Variants in COBLL1 observed in about 807,000 individuals in gnomAD.
The protein encoded by COBLL1 is cordon-bleu WH2 repeat protein like 1.
In COBLL1, 50 loss-of-function variants were observed where a neutral mutation model predicts 94.8. The observed-to-expected ratio is 0.53, with a 90% CI of 0.42 to 0.67. COBLL1 has a LOEUF of 0.67. Ranked by LOEUF, COBLL1 falls within the 30% of genes least tolerant of loss-of-function variation. COBLL1 has a pLI of 0.00. For missense variants in COBLL1, 1,362 were observed against 1,348.7 expected (o/e 1.01, Z -0.15); for synonymous variants, 448 against 473.8 (o/e 0.95, Z 0.71).
chr2:164,734,738 G>A (rs1393647088), intron 3 of COBLL1, among the ~76,000 whole-genome samples: 2 of 152,114 alleles, frequency 1.3e-5, no homozygotes, highest in Admixed American at 6.5e-5. Context: ...CAGGATTGGA[G>A]GGACAAAGTG....
intron 2 of COBLL1, among the ~76,000 whole-genome samples, chr2:164,800,076 T>C (rs1392526515): frequency 6.6e-6 from 1 of 152,172 alleles, no homozygotes; most frequent in Non-Finnish European, 1.5e-5. Flanking sequence ...AATTGGTAAA[T>C]TGGATTTTAT....
At chr2:164,665,006 T>C (rs1316363692) in intron 2 of COBLL1, among the ~76,000 whole-genome samples, 4 of 151,938 alleles carry the variant, frequency 2.6e-5, no homozygotes, top group South Asian at 2.1e-4. Context: ...AATGAAAGGT[T>C]AAATGGTCAT....
chr2:164,694,713 A>T lies in COBLL1; in HGVS notation c.2679T>A (p.Asn893Lys). The T allele has an allele frequency of 6.2e-7, 1 of 1,613,784 alleles. No individual in the cohort carries two copies. The highest frequency in any genetic ancestry group is 1.1e-5 in the South Asian group (1 of 91,064). ...AAAKSVHAAP[N>K]PAPKELTNKE... is the part of the protein sequence containing the mutation. ...TATTTGTCAGTTCTTTTGGAGCAGGATTAGGGGCAGCATGGACACTCTTGG... is the reference window on the plus strand; with the variant it reads ...TATTTGTCAGTTCTTTTGGAGCAGGTTTAGGGGCAGCATGGACACTCTTGG... The change falls in exon 12 of 14, where the codon AAT becomes AAA. Residue 893 changes from asparagine to lysine, a missense_variant. Coordinates refer to ENST00000652658, the MANE Select transcript of COBLL1 (RefSeq NM_001365672.2).
intron 2 of COBLL1, among the ~76,000 whole-genome samples, chr2:164,762,371 G>C (rs1271811922): frequency 6.6e-6 from 1 of 152,142 alleles, no homozygotes; most frequent in Non-Finnish European, 1.5e-5. Flanking sequence ...ATGTAAGTTT[G>C]GCCAGTAGTA....
Position 164,704,456 on chromosome 2 carries a change from G to C in COBLL1, c.1213C>G (p.Leu405Val). Residue 405 changes from leucine to valine, a missense_variant, in exon 9 of 14, where the codon CTA becomes GTA. By Grantham distance (32) the Leu-to-Val change is conservative (BLOSUM62 1). Coordinates refer to ENST00000652658, the MANE Select transcript of COBLL1 (RefSeq NM_001365672.2). The part of the protein sequence containing the change: ...SASEANSPEE[L>V]SSPAGISSDY... ...AAGGGTGTCATACCTGGGCTGGATA[G>C]CTCCTCAGGAGAGTTTGCTTCTGAA... is the stretch of plus-strand genomic sequence containing the variant. 1 of 1,610,404 alleles carries C rather than the reference G, an allele frequency of 6.2e-7. No homozygotes were observed. The highest frequency in any genetic ancestry group is 8.5e-7 in the Non-Finnish European group (1 of 1,176,646).
At chr2:164,793,582 T>C (rs1269315710) in intron 2 of COBLL1, among the ~76,000 whole-genome samples, 5 of 152,232 alleles carry the variant, frequency 3.3e-5, no homozygotes, top group Non-Finnish European at 7.3e-5. Context: ...TTCAAAAAAC[T>C]AAATGACTAA....
rs1343424375 is a variant in COBLL1 at position 164,685,087 on chromosome 2, A to C, written c.*859T>G. 6.6e-6 allele frequency: 1 copy of C among 152,154 alleles called. No homozygotes were observed. The highest frequency in any genetic ancestry group is 2.4e-5 in the African/African-American group (1 of 41,446). The allele number at this position is 152,154 out of a possible 1,614,324, so 9.4% of individuals were successfully genotyped here. A position where few individuals can be genotyped will look rare whatever the true frequency, so the allele number is the denominator to read the frequency against. ...TAAAACCAGAATTTCTGGAACTTCC[A>C]AATAGTCTTTAAAGTTTTTCAATAT... On this transcript the variant is annotated 3_prime_UTR_variant, in exon 14 of 14. Transcript: ENST00000652658.
At chr2:164,702,133 A>G (rs1684312231) in intron 9 of COBLL1, among the ~76,000 whole-genome samples, 1 of 152,172 alleles carries the variant, frequency 6.6e-6, no homozygotes, top group South Asian at 2.1e-4. Context: ...TCAATAAAAA[A>G]TATTTTAAAA....
intron 3 of COBLL1, among the ~76,000 whole-genome samples, chr2:164,737,574 C>T (rs372563802): frequency 6.6e-6 from 1 of 151,944 alleles, no homozygotes; most frequent in African/African-American, 2.4e-5. Flanking sequence ...GTTTGTACCA[C>T]CCTATAGATT....
intron 1 of COBLL1, among the ~76,000 whole-genome samples, chr2:164,673,295 A>G (rs1471296368): frequency 6.6e-6 from 1 of 152,208 alleles, no homozygotes; most frequent in Non-Finnish European, 1.5e-5. Context: ...GAAAGGCGCA[A>G]TGGAGAGGGG....
chr2:164,727,851 T>G, intron 5 of COBLL1, 118 bp downstream of exon 5: 2 of 517,352 alleles, frequency 3.9e-6, no homozygotes, highest in Non-Finnish European at 6.8e-6. Context: ...ATTACTTTTA[T>G]CTATAGGACC....
chr2:164,691,369 C>T (rs955731056), intron 13 of COBLL1, among the ~76,000 whole-genome samples: 3 of 152,168 alleles, frequency 2.0e-5, no homozygotes, highest in African/African-American at 4.8e-5. Context: ...CTCTAAATGG[C>T]TTTTAAAATG....
chr2:164,666,820 C>T (rs1475144768), intron 1 of COBLL1, among the ~76,000 whole-genome samples: 1 of 152,188 alleles, frequency 6.6e-6, no homozygotes, highest in East Asian at 1.9e-4. Context: ...CTAATTCTAG[C>T]TCTCTTGTTA....
chr2:164,701,970 T>A (rs191140940), intron 9 of COBLL1, among the ~76,000 whole-genome samples: 3,659 of 152,142 alleles, frequency 0.024, 66 homozygotes, highest in East Asian at 0.036. Flanking sequence ...TTAATTTAAA[T>A]TTTTAACATA....
chr2:164,822,685 C>T (rs1401866287), intron 2 of COBLL1, among the ~76,000 whole-genome samples: 1 of 143,336 alleles, frequency 7.0e-6, no homozygotes, highest in Non-Finnish European at 1.5e-5. Context: ...AAGGTATATA[C>T]ACATTTACAT....
At chr2:164,746,448 G>C (rs1686862077) in intron 2 of COBLL1, among the ~76,000 whole-genome samples, 2 of 151,978 alleles carry the variant, frequency 1.3e-5, no homozygotes, top group South Asian at 2.1e-4. Context: ...TTCTCCAATG[G>C]TTTCTTGCCT....
chr2:164,785,922 ATTT>A (rs10571352), intron 2 of COBLL1, among the ~76,000 whole-genome samples: 6 of 150,164 alleles, frequency 4.0e-5, no homozygotes, highest in South Asian at 2.1e-4. Flanking sequence ...CAAAAGGTAG[ATTT>A]TTTTTTTTTT....
At chr2:164,812,149 CAAAT>C (rs765865423) in intron 2 of COBLL1, among the ~76,000 whole-genome samples, 6 of 151,824 alleles carry the variant, frequency 4.0e-5, no homozygotes, top group Non-Finnish European at 7.4e-5. Flanking sequence ...TCTAGAAACA[CAAAT>C]AAAAGAACAA....
chr2:164,813,750 T>C (rs1294255884), intron 2 of COBLL1, among the ~76,000 whole-genome samples: 1 of 152,130 alleles, frequency 6.6e-6, no homozygotes, highest in African/African-American at 2.4e-5. Flanking sequence ...AGAAAACTGT[T>C]TGTAGTCAAG....
Sources: gnomAD v4.1 joint callset for allele counts (sites outside exome capture counted in the v4.1 genomes callset) on GRCh38, gnomAD v4.1.1 for gene constraint, MANE v1.5 for transcripts, NCBI Gene and HGNC (gene_info 2026-07-23, HGNC 2026-07-21) for gene names.